EZH1: variants seen among roughly 807,000 people sequenced by gnomAD.
EZH1 encodes the protein enhancer of zeste 1 polycomb repressive complex 2 subunit.
A neutral mutation model predicts 100.5 loss-of-function variants in EZH1; 33 were observed. That is an observed-to-expected ratio of 0.33 (90% CI 0.25 to 0.44). The LOEUF (loss-of-function observed/expected upper bound fraction) is 0.44. EZH1 is among the 20% of genes least tolerant of loss of function. The pLI is 1.00. For synonymous variants in EZH1, 272 were observed against 313.8 expected (o/e 0.87, Z 1.41); for missense variants, 475 against 928.4 (o/e 0.51, Z 6.35).
In EZH1 at chr17:42,739,488, T is replaced by G. The variant is rs530216010; in HGVS notation, c.-103+5523A>C. Among the ~76,000 whole-genome samples the G allele has an allele frequency of 3.3e-4, 50 of 152,212 alleles. No homozygotes were observed. In the South Asian group the frequency reaches 4.1e-3, roughly 13 times the overall value. Reference sequence around the variant, plus strand: ...AGCTCACACCTGTAATCCCAGCACTTTGGGAGGCCAAGGCGAGTGGATCAC... The same window carrying G: ...AGCTCACACCTGTAATCCCAGCACTGTGGGAGGCCAAGGCGAGTGGATCAC... On this transcript the variant is annotated intron_variant, in intron 1 of 20. Coordinates refer to ENST00000428826, the MANE Select transcript of EZH1 (RefSeq NM_001991.5).
At chr17:42,704,571 C>A in intron 18 of EZH1, 31 bp downstream of exon 18, 1 of 1,544,496 alleles carries the variant, frequency 6.5e-7, no homozygotes, top group South Asian at 1.2e-5. Context: ...AAAAAAAGAC[C>A]ACCTTGGGAT....
chr17:42,711,334 G>A (rs770536291), intron 12 of EZH1, among the ~76,000 whole-genome samples: 1 of 152,298 alleles, frequency 6.6e-6, no homozygotes, highest in Non-Finnish European at 1.5e-5. Flanking sequence ...TTAGCCGGGC[G>A]TGGTGGTGCA....
At chr17:42,744,970 C>T (rs569985724) in intron 1 of EZH1, 41 bp downstream of exon 1, 3 of 1,257,714 alleles carry the variant, frequency 2.4e-6, no homozygotes, top group South Asian at 2.6e-5. Context: ...GGGGAGGAGG[C>T]CCGGCCCCAC....
intron 5 of EZH1, 78 bp downstream of exon 5, chr17:42,724,227 C>T (rs2053772908): frequency 6.4e-7 from 1 of 1,555,134 alleles, no homozygotes. Context: ...ACAATCTTTA[C>T]CCTAAGAGGA....
intron 2 of EZH1, among the ~76,000 whole-genome samples, chr17:42,729,573 A>G (rs1438759701): frequency 1.1e-5 from 1 of 92,494 alleles, no homozygotes; most frequent in African/African-American, 7.0e-5. Flanking sequence ...TACTAAAAAT[A>G]CAAAAAAAAA....
intron 14 of EZH1, 142 bp from the exon 15 acceptor site, chr17:42,708,225 A>G: frequency 1.0e-6 from 1 of 971,528 alleles, no homozygotes; most frequent in Admixed American, 3.0e-5. Context: ...AAGTGAGAAG[A>G]CAGGGATGAC....
chr17:42,710,142 A>G (rs934424558), intron 12 of EZH1, among the ~76,000 whole-genome samples: 3 of 152,222 alleles, frequency 2.0e-5, no homozygotes, highest in East Asian at 3.8e-4. Flanking sequence ...GACTCAGGAA[A>G]GGAGAAATAC....
intron 1 of EZH1, among the ~76,000 whole-genome samples, chr17:42,740,332 C>T (rs776403402): frequency 2.6e-5 from 4 of 151,970 alleles, no homozygotes; most frequent in Admixed American, 1.3e-4. Flanking sequence ...CTCCGCCTCC[C>T]GGGTTCAAGC....
At chr17:42,711,155 G>C (rs541510571) in intron 12 of EZH1, among the ~76,000 whole-genome samples, 1 of 151,986 alleles carries the variant, frequency 6.6e-6, no homozygotes, top group African/African-American at 2.4e-5. Flanking sequence ...GGCCAACATG[G>C]TGAAACCCCA....
Position 42,701,333 on chromosome 17 carries a change from G to A in EZH1, c.*1199C>T, listed in dbSNP as rs908714622. 2 of 152,884 alleles carry A rather than the reference G, an allele frequency of 1.3e-5. No individual in the cohort carries two copies. Among genetic ancestry groups the A allele is most frequent in the African/African-American group, 4.8e-5 (2 of 41,448 alleles). 9.5% of individuals were successfully genotyped at this position (152,884 alleles called of 1,614,324 possible). The stretch of plus-strand genomic sequence containing the variant: ...TGCTTTGCTCTGCATGAATGCCAGA[G>A]AGGGTGGCACCACAGCCTGGGACAG... On this transcript the variant is annotated 3_prime_UTR_variant, in exon 21 of 21. Transcript: ENST00000428826.
chr17:42,707,624 A>G (rs550730923), intron 15 of EZH1, among the ~76,000 whole-genome samples: 4 of 152,066 alleles, frequency 2.6e-5, no homozygotes, highest in Admixed American at 2.6e-4. Flanking sequence ...TGAACTCCTG[A>G]CCTCAAGTGA....
intron 1 of EZH1, among the ~76,000 whole-genome samples, chr17:42,740,259 G>C (rs1050058921): frequency 1.0e-5 from 1 of 97,268 alleles, no homozygotes; most frequent in Non-Finnish European, 2.2e-5. Flanking sequence ...TTTTTTTTTT[G>C]AAACGGAGTC....
intron 1 of EZH1, among the ~76,000 whole-genome samples, chr17:42,733,147 G>T (rs2053987149): frequency 6.6e-6 from 1 of 151,778 alleles, no homozygotes; most frequent in Non-Finnish European, 1.5e-5. Context: ...AGACCAGCCT[G>T]ACCAACATGG....
intron 16 of EZH1, 22 bp downstream of exon 16, chr17:42,705,985 G>A (rs1270959284): frequency 1.3e-6 from 2 of 1,591,478 alleles, no homozygotes; most frequent in South Asian, 1.1e-5. Context: ...ATGTGGTGTG[G>A]GGTCCTGAGG....
rs1190152402 is a variant in EZH1, at chr17:42,700,456, A to C, written c.*2076T>G. 6 of 152,784 alleles carry C rather than the reference A, an allele frequency of 3.9e-5. No individual in the cohort carries two copies. The East Asian group carries it at 1.1e-3, about 29-fold the overall frequency. The allele number at this position is 152,784 out of a possible 1,614,324, so 9.5% of individuals were successfully genotyped here. The stretch of plus-strand genomic sequence containing the variant: ...TAAAAGTGGGGGACAGCAGGGACAA[A>C]GGATGGGAAACTGGAGGAACAGGAG... On this transcript the variant is annotated 3_prime_UTR_variant, in exon 21 of 21. Transcript: ENST00000428826.
chr17:42,713,578 A>T (rs1176453867), intron 10 of EZH1, among the ~76,000 whole-genome samples, 189 bp from the exon 11 acceptor site: 4 of 152,168 alleles, frequency 2.6e-5, no homozygotes, highest in African/African-American at 9.7e-5. Context: ...ACTTTTTCAC[A>T]AAAGAGTTGT....
At chr17:42,714,701 CA>C (rs1597835148) in intron 10 of EZH1, 1 of 230,322 alleles carries the variant, frequency 4.3e-6, no homozygotes, top group East Asian at 1.1e-4. Context: ...GGTTAACTAT[CA>C]TTAAGGGTAT....
intron 6 of EZH1, among the ~76,000 whole-genome samples, chr17:42,721,008 T>C (rs1473248725): frequency 6.6e-6 from 1 of 152,154 alleles, no homozygotes; most frequent in African/African-American, 2.4e-5. Context: ...AACTCTGAAT[T>C]TCTGGTTCAA....
intron 14 of EZH1, among the ~76,000 whole-genome samples, chr17:42,708,326 A>G (rs1265291943): frequency 6.6e-6 from 1 of 152,092 alleles, no homozygotes; most frequent in Admixed American, 6.6e-5. Flanking sequence ...TAAACATTAA[A>G]TGAGGTCTGG....
Sources: allele counts gnomAD v4.1 joint callset (sites outside exome capture counted in the v4.1 genomes callset), GRCh38; gene constraint gnomAD v4.1.1; transcripts MANE v1.5; gene names NCBI Gene and HGNC (gene_info 2026-07-23, HGNC 2026-07-21).